LPAR1: variants seen among roughly 807,000 people sequenced by gnomAD.
LPAR1 encodes LPA receptor 1.
A neutral mutation model predicts 23.8 loss-of-function variants in LPAR1; 5 were observed. The observed-to-expected ratio is 0.21, with a 90% CI of 0.11 to 0.44. The LOEUF (loss-of-function observed/expected upper bound fraction) is 0.44. Among genes scored for constraint, LPAR1 ranks in the 20% least tolerant of loss-of-function variants. LPAR1 has a pLI of 0.99. For missense variants in LPAR1, 311 were observed against 482.8 expected, an observed-to-expected ratio of 0.64 and a Z score of 3.33; for synonymous variants, 160 against 164.7, an observed-to-expected ratio of 0.97 and a Z score of 0.22.
At chr9:111,022,304 T>A (rs1399814797) in intron 2 of LPAR1, among the ~76,000 whole-genome samples, 2 of 152,140 alleles carry the variant, frequency 1.3e-5, no homozygotes, top group Admixed American at 1.3e-4. Context: ...AAGACAAGGC[T>A]CCCAGGGCCT....
chr9:110,926,698 T>TG (rs1170774268), intron 5 of LPAR1, among the ~76,000 whole-genome samples: 2 of 151,480 alleles, frequency 1.3e-5, no homozygotes, highest in African/African-American at 4.9e-5. Context: ...GGTTTTGTGT[T>TG]TTTTTTCCCC....
intron 5 of LPAR1, among the ~76,000 whole-genome samples, chr9:110,900,617 A>T (rs2088513725): frequency 6.6e-6 from 1 of 152,218 alleles, no homozygotes; most frequent in Non-Finnish European, 1.5e-5. Flanking sequence ...TTTTAATGTT[A>T]CAGTTTCTGG....
chr9:111,038,861 T>G (rs1288436029), upstream of LPAR1, among the ~76,000 whole-genome samples: 1 of 147,128 alleles, frequency 6.8e-6, no homozygotes, highest in Non-Finnish European at 1.5e-5. The surrounding 1 kb of genome is among the most constrained non-coding windows in gnomAD (Gnocchi z 4.4). Flanking sequence ...CCGCCCCTCC[T>G]GCGCTTACCC....
chr9:110,997,653 T>C (rs1213705685), intron 2 of LPAR1, among the ~76,000 whole-genome samples: 1 of 152,202 alleles, frequency 6.6e-6, no homozygotes, highest in Non-Finnish European at 1.5e-5. Context: ...CTGTATTTTT[T>C]AAGTCTCCTT....
At chr9:110,891,870 A>G (rs1023025392) in intron 5 of LPAR1, among the ~76,000 whole-genome samples, 1 of 152,230 alleles carries the variant, frequency 6.6e-6, no homozygotes, top group Non-Finnish European at 1.5e-5. Flanking sequence ...AATGTCTACA[A>G]TTTAGAAGAG....
At chr9:110,927,816 GACATAC>G (rs1157909364) in intron 5 of LPAR1, among the ~76,000 whole-genome samples, 3 of 152,014 alleles carry the variant, frequency 2.0e-5, no homozygotes, top group African/African-American at 7.2e-5. Flanking sequence ...ACAAATCTTT[GACATAC>G]ACAAAGATTT....
intron 5 of LPAR1, among the ~76,000 whole-genome samples, chr9:110,909,269 T>C (rs555228640): frequency 6.6e-6 from 1 of 152,320 alleles, no homozygotes; most frequent in East Asian, 1.9e-4. Flanking sequence ...TTCTGTGCAG[T>C]GGGCAGCAGG....
chr9:110,886,989 A>T (rs1432255509), intron 5 of LPAR1, among the ~76,000 whole-genome samples: 1 of 152,202 alleles, frequency 6.6e-6, no homozygotes, highest in East Asian at 1.9e-4. Context: ...ATCTTTCCCT[A>T]GCAAAAGTTC....
intron 5 of LPAR1, among the ~76,000 whole-genome samples, chr9:110,914,162 T>C (rs1347356744): frequency 6.6e-6 from 1 of 152,232 alleles, no homozygotes; most frequent in East Asian, 1.9e-4. Context: ...CTTTGTCTTA[T>C]GTAGCTGTCT....
chr9:110,940,950 T>G (rs1210029525), intron 5 of LPAR1, among the ~76,000 whole-genome samples: 1 of 152,190 alleles, frequency 6.6e-6, no homozygotes, highest in Non-Finnish European at 1.5e-5. Context: ...TAAATCTATA[T>G]AAAACCTTGA....
chr9:110,885,514 G>A (rs920690534), intron 5 of LPAR1, among the ~76,000 whole-genome samples: 2 of 152,284 alleles, frequency 1.3e-5, no homozygotes, highest in African/African-American at 2.4e-5. Flanking sequence ...CAAAAATATG[G>A]AAGCAGCACA....
intron 5 of LPAR1, among the ~76,000 whole-genome samples, chr9:110,897,009 G>A (rs555599356): frequency 5.5e-4 from 84 of 152,068 alleles, no homozygotes; most frequent in African/African-American, 1.9e-3. Flanking sequence ...GGATGGTCTC[G>A]ATCTCCTGAC....
intron 2 of LPAR1, among the ~76,000 whole-genome samples, chr9:111,022,535 C>A (rs894812622): frequency 6.6e-6 from 1 of 152,058 alleles, no homozygotes. Flanking sequence ...TAATTCTTAC[C>A]ATTATATTCA....
chr9:111,028,308 C>G (rs1402860410), intron 2 of LPAR1, among the ~76,000 whole-genome samples: 2 of 152,066 alleles, frequency 1.3e-5, no homozygotes, highest in Non-Finnish European at 2.9e-5. Context: ...GTCTTGAACT[C>G]CTGACCTCAA....
chr9:111,012,329 G>T (rs1319349630), intron 2 of LPAR1, among the ~76,000 whole-genome samples: 2 of 152,198 alleles, frequency 1.3e-5, no homozygotes, highest in Admixed American at 1.3e-4. Context: ...ACTGTGAGCA[G>T]GCTGAAAACT....
intron 5 of LPAR1, among the ~76,000 whole-genome samples, chr9:110,918,436 C>T (rs2093368139): frequency 6.6e-6 from 1 of 152,178 alleles, no homozygotes; most frequent in African/African-American, 2.4e-5. Flanking sequence ...GGCCATTCTG[C>T]AGACACTCAG....
chr9:110,997,324 G>C (rs1372938171), intron 2 of LPAR1, among the ~76,000 whole-genome samples: 2 of 152,254 alleles, frequency 1.3e-5, no homozygotes, highest in East Asian at 3.9e-4. Context: ...AAGTAAGCAA[G>C]GGAAATAGGT....
At position 110,875,610 on chromosome 9, in the gene LPAR1, G is replaced by T; in HGVS notation, c.906C>A (p.Phe302Leu). 1 of 1,614,018 alleles carries T rather than the reference G, an allele frequency of 6.2e-7. No homozygotes were observed. Residue 302 changes from phenylalanine (F) to leucine (L), a missense_variant, in exon 6 of 6, where the codon TTC becomes TTA. Physicochemically the swap from Phe to Leu is conservative, Grantham distance 22. Around this residue, in one of 2 missense-constraint regions of LPAR1, gnomAD observed 250 missense variants for 427.2 expected, o/e 0.59. Coordinates refer to ENST00000683809, the MANE Select transcript of LPAR1 (RefSeq NM_001351411.2). Reference protein sequence around the residue: ...YEKFFLLLAEFNSAMNPIIYS... With the variant: ...YEKFFLLLAELNSAMNPIIYS... ...AAATGATGGGGTTCATGGCAGAGTT[G>T]AATTCAGCAAGGAGAAGGAAGAATT...
intron 4 of LPAR1, among the ~76,000 whole-genome samples, chr9:110,961,617 CAAAA>C (rs57773067): frequency 0.024 from 1,928 of 79,854 alleles, 47 homozygotes; most frequent in African/African-American, 0.081. Context: ...GAGACTATCT[CAAAA>C]AAAAAAAAAA....
Sources: allele counts gnomAD v4.1 joint callset (sites outside exome capture counted in the v4.1 genomes callset), GRCh38; gene constraint gnomAD v4.1.1; regional missense constraint gnomAD v4.1.1; non-coding constraint Gnocchi (gnomAD v3.1); transcripts MANE v1.5; gene names NCBI Gene and HGNC (gene_info 2026-07-23, HGNC 2026-07-21).